NALCN: variants seen among roughly 807,000 people sequenced by gnomAD.
The protein encoded by NALCN is sodium leak channel NALCN.
NALCN carries 111 observed loss-of-function variants against 225.3 expected under a neutral mutation model. The observed-to-expected ratio is 0.49, with a 90% CI of 0.42 to 0.58. The LOEUF (loss-of-function observed/expected upper bound fraction) is 0.58. Ranked by LOEUF, NALCN falls within the 20% of genes least tolerant of loss-of-function variation. The pLI, the probability that NALCN is intolerant of heterozygous loss-of-function variation, is 0.00. For synonymous variants in NALCN, 764 were observed against 769.0 expected (o/e 0.99, Z 0.11); for missense variants, 1,378 against 2,202.4 (o/e 0.63, Z 7.49).
chr13:101,177,430 T>C (rs2139944090), intron 14 of NALCN, among the ~76,000 whole-genome samples: 1 of 148,708 alleles, frequency 6.7e-6, no homozygotes, highest in African/African-American at 2.4e-5. Context: ...TATATATATA[T>C]ATGGTAGAAG....
chr13:101,310,687 T>G (rs2044310636), intron 7 of NALCN, among the ~76,000 whole-genome samples: 1 of 152,196 alleles, frequency 6.6e-6, no homozygotes, highest in Non-Finnish European at 1.5e-5. Context: ...AGCAAGGATT[T>G]TTTCTCTGTT....
chr13:101,098,034 G>C (rs2034608974), intron 27 of NALCN, among the ~76,000 whole-genome samples: 1 of 152,160 alleles, frequency 6.6e-6, no homozygotes, highest in African/African-American at 2.4e-5. Context: ...CAGAAGCTGT[G>C]ATTTCGAAGC....
At chr13:101,346,087 C>CTCTCTCTCTCTCTCTCTCTCTCTCTATA in intron 6 of NALCN, among the ~76,000 whole-genome samples, 15 of 70,958 alleles carry the variant, frequency 2.1e-4, no homozygotes, top group Admixed American at 3.9e-4. Flanking sequence ...CTCTCTCTCT[C>CTCTCTCTCTCTCTCTCTCTCTCTCTATA]TATATATATA....
chr13:101,294,681 G>T (rs1041604787), intron 7 of NALCN, among the ~76,000 whole-genome samples: 1 of 151,400 alleles, frequency 6.6e-6, no homozygotes, highest in Admixed American at 6.6e-5. Context: ...TAGTGAGGGT[G>T]GGGGTAGTTT....
At chr13:101,090,546 G>C (rs1594182832) in intron 28 of NALCN, among the ~76,000 whole-genome samples, 1 of 152,054 alleles carries the variant, frequency 6.6e-6, no homozygotes, top group Non-Finnish European at 1.5e-5. Context: ...GACGGCAAGA[G>C]GTGTTTGCTT....
At chr13:101,214,506 A>G (rs1490636485) in intron 13 of NALCN, among the ~76,000 whole-genome samples, 1 of 152,050 alleles carries the variant, frequency 6.6e-6, no homozygotes, top group African/African-American at 2.4e-5. Flanking sequence ...TCAAAAATTT[A>G]TTAGTGAACC....
At chr13:101,408,467 A>G (rs1000308874) in intron 1 of NALCN, among the ~76,000 whole-genome samples, 2 of 152,194 alleles carry the variant, frequency 1.3e-5, no homozygotes, top group African/African-American at 2.4e-5. Flanking sequence ...AGCAGAGAAC[A>G]TGTTAGCAGG....
At chr13:101,218,732 G>A (rs1038541453) in intron 13 of NALCN, among the ~76,000 whole-genome samples, 4 of 151,954 alleles carry the variant, frequency 2.6e-5, no homozygotes, top group Admixed American at 6.6e-5. Flanking sequence ...TTTTCCTCCT[G>A]CTCCAGCCAT....
intron 7 of NALCN, among the ~76,000 whole-genome samples, chr13:101,343,531 T>G (rs1054718483): frequency 1.3e-5 from 2 of 152,200 alleles, no homozygotes; most frequent in African/African-American, 4.8e-5. Context: ...TTGAGCCTAT[T>G]AGTAAATATT....
intron 1 of NALCN, among the ~76,000 whole-genome samples, chr13:101,415,643 G>A (rs1236780846): frequency 6.6e-6 from 1 of 152,208 alleles, no homozygotes; most frequent in Non-Finnish European, 1.5e-5. Context: ...GGTGTTGCTT[G>A]GCAGGACACT....
intron 40 of NALCN, among the ~76,000 whole-genome samples, chr13:101,063,229 C>G (rs947779891): frequency 6.6e-6 from 1 of 152,238 alleles, no homozygotes; most frequent in African/African-American, 2.4e-5. Context: ...AGCCTGGAGG[C>G]TCTTGAGAGC....
At chr13:101,265,822 A>G (rs1290919551) in intron 10 of NALCN, among the ~76,000 whole-genome samples, 1 of 152,184 alleles carries the variant, frequency 6.6e-6, no homozygotes, top group East Asian at 1.9e-4. Flanking sequence ...CTTGCCTTGT[A>G]TCAGACAGTC....
At chr13:101,218,434 C>T (rs1461434197) in intron 13 of NALCN, among the ~76,000 whole-genome samples, 1 of 152,112 alleles carries the variant, frequency 6.6e-6, no homozygotes, top group Non-Finnish European at 1.5e-5. Context: ...TATCTTACGG[C>T]TTCTGGTGTT....
At chr13:101,295,733 T>C (rs1282207695) in intron 7 of NALCN, among the ~76,000 whole-genome samples, 1 of 152,128 alleles carries the variant, frequency 6.6e-6, no homozygotes, top group African/African-American at 2.4e-5. Context: ...AAAGAAATGT[T>C]TCCCATACGT....
intron 15 of NALCN, among the ~76,000 whole-genome samples, chr13:101,172,246 G>T (rs1320816725): frequency 1.3e-5 from 2 of 151,946 alleles, no homozygotes; most frequent in Non-Finnish European, 2.9e-5. Context: ...CCTGCCCTCA[G>T]GGAGCTTCTG....
intron 7 of NALCN, among the ~76,000 whole-genome samples, chr13:101,314,945 G>A (rs1186180929): frequency 1.3e-5 from 2 of 151,580 alleles, no homozygotes; most frequent in East Asian, 1.9e-4. Context: ...CAATGCTGGC[G>A]AGATACTAAA....
chr13:101,412,277 C>T (rs1298216313), intron 1 of NALCN, among the ~76,000 whole-genome samples: 1 of 152,216 alleles, frequency 6.6e-6, no homozygotes, highest in Non-Finnish European at 1.5e-5. Flanking sequence ...ATTGGTGTGT[C>T]TCTGTTGGCT....
At chr13:101,369,029 A>G (rs1231637112) in intron 6 of NALCN, 1 of 350,934 alleles carries the variant, frequency 2.8e-6, no homozygotes, top group Admixed American at 3.4e-5. Context: ...CAAAAAAGAT[A>G]TTATTGATAG....
intron 1 of NALCN, among the ~76,000 whole-genome samples, chr13:101,399,651 C>G (rs2047411053): frequency 6.6e-6 from 1 of 152,106 alleles, no homozygotes; most frequent in Non-Finnish European, 1.5e-5. Flanking sequence ...GATCTCCCAA[C>G]TTGGGAGGGG....
Sources: gnomAD v4.1 joint callset for allele counts (sites outside exome capture counted in the v4.1 genomes callset) on GRCh38, gnomAD v4.1.1 for gene constraint, MANE v1.5 for transcripts, NCBI Gene and HGNC (gene_info 2026-07-23, HGNC 2026-07-21) for gene names.